SDK1: variants seen among roughly 807,000 people sequenced by gnomAD.
SDK1 encodes the protein protein sidekick-1.
Under a neutral mutation model 245.5 loss-of-function variants are expected in SDK1, and 157 were observed. That is an observed-to-expected ratio of 0.64 (90% CI 0.56 to 0.73). The LOEUF (loss-of-function observed/expected upper bound fraction) is 0.73, where lower values mean the gene tolerates loss of function less well. Among genes scored for constraint, SDK1 ranks in the 30% least tolerant of loss-of-function variants. The pLI, the probability that SDK1 is intolerant of heterozygous loss-of-function variation, is 0.00. For missense variants in SDK1, 3,583 were observed against 3,002.3 expected (o/e 1.19, Z -4.52); for synonymous variants, 1,647 against 1,278.5 (o/e 1.29, Z -6.15).
At chr7:3,540,329 C>T (rs1321745639) in intron 1 of SDK1, among the ~76,000 whole-genome samples, 1 of 152,204 alleles carries the variant, frequency 6.6e-6, no homozygotes, top group Non-Finnish European at 1.5e-5. Flanking sequence ...ATCGCTTGAA[C>T]CTGGGAGGCA....
intron 13 of SDK1, among the ~76,000 whole-genome samples, chr7:3,978,729 C>G (rs937281125): frequency 6.6e-6 from 1 of 152,060 alleles, no homozygotes; most frequent in Non-Finnish European, 1.5e-5. Flanking sequence ...GTGTTTCCAT[C>G]ATTTACTCAG....
rs746640788 is a variant in SDK1 at position 3,342,740 on chromosome 7, A to G, written c.298+40856A>G. ...CTCCATGAAAGAGCATATTAAGAGG[A>G]TGGAAAGACAAGGTACATACTAGTA... is the stretch of plus-strand genomic sequence containing the variant. On this transcript the variant is annotated intron_variant, in intron 1 of 44. Transcript: ENST00000404826. Among the ~76,000 whole-genome samples the G allele has an allele frequency of 6.1e-4, 93 of 152,352 alleles. 1 individual carries two copies. The highest frequency in any genetic ancestry group is 2.2e-3 in the African/African-American group (92 of 41,572).
chr7:3,399,059 C>G (rs1056136568), intron 1 of SDK1, among the ~76,000 whole-genome samples: 63 of 152,178 alleles, frequency 4.1e-4, no homozygotes, highest in African/African-American at 1.3e-3. Context: ...TTCAGTTATT[C>G]TTTCTCTCTT....
intron 5 of SDK1, among the ~76,000 whole-genome samples, chr7:3,877,938 C>T (rs1392300196): frequency 1.3e-5 from 2 of 152,238 alleles, no homozygotes; most frequent in Non-Finnish European, 2.9e-5. Context: ...AATACATACA[C>T]AGCTGTTTCC....
intron 1 of SDK1, among the ~76,000 whole-genome samples, chr7:3,422,303 T>A (rs959105359): frequency 9.2e-5 from 14 of 152,014 alleles, no homozygotes; most frequent in African/African-American, 1.2e-4. Flanking sequence ...AAAAAAAAAA[T>A]TTAGAAAATA....
At chr7:3,763,739 A>G (rs1365665607) in intron 4 of SDK1, among the ~76,000 whole-genome samples, 2 of 152,218 alleles carry the variant, frequency 1.3e-5, no homozygotes, top group African/African-American at 4.8e-5. Flanking sequence ...GAATGCAAAT[A>G]TTTTATATCT....
intron 22 of SDK1, among the ~76,000 whole-genome samples, chr7:4,101,129 A>G (rs1782509049): frequency 6.6e-6 from 1 of 151,732 alleles, no homozygotes. Flanking sequence ...TGTTTGTTTT[A>G]AGGTAGCAAG....
At chr7:4,117,016 C>G (rs1158177219) in intron 25 of SDK1, among the ~76,000 whole-genome samples, 1 of 152,228 alleles carries the variant, frequency 6.6e-6, no homozygotes, top group African/African-American at 2.4e-5. Flanking sequence ...TCTCTGTTAT[C>G]TTCACTGTCT....
intron 5 of SDK1, among the ~76,000 whole-genome samples, chr7:3,829,366 A>C (rs1205626183): frequency 6.6e-6 from 1 of 152,170 alleles, no homozygotes; most frequent in East Asian, 1.9e-4. Context: ...AGAGAGGAGA[A>C]GGCCCTAACA....
At chr7:3,616,295 A>G (rs1562604810) in intron 1 of SDK1, among the ~76,000 whole-genome samples, 1 of 152,190 alleles carries the variant, frequency 6.6e-6, no homozygotes, top group Admixed American at 6.5e-5. Flanking sequence ...ATACTCGGAC[A>G]CTTGAATGTG....
chr7:4,247,267 G>T (rs1267455212), intron 44 of SDK1, among the ~76,000 whole-genome samples: 1 of 152,202 alleles, frequency 6.6e-6, no homozygotes, highest in African/African-American at 2.4e-5. Context: ...CCGGCGGGAA[G>T]GGCCAGCAGG....
At chr7:3,975,392 G>A (rs992903985) in intron 13 of SDK1, among the ~76,000 whole-genome samples, 12 of 152,098 alleles carry the variant, frequency 7.9e-5, no homozygotes, top group South Asian at 4.1e-4. Flanking sequence ...TGGGCCTTTC[G>A]ACAAAGGCAA....
chr7:4,075,461 T>G (rs981150704), intron 20 of SDK1, among the ~76,000 whole-genome samples: 2 of 152,216 alleles, frequency 1.3e-5, no homozygotes, highest in Admixed American at 6.5e-5. Context: ...GTCCTAGCGC[T>G]TCTATATCCC....
intron 4 of SDK1, among the ~76,000 whole-genome samples, chr7:3,813,145 T>C (rs1583440649): frequency 6.6e-6 from 1 of 151,378 alleles, no homozygotes; most frequent in South Asian, 2.1e-4. Flanking sequence ...AGTTTTAGGG[T>C]ACATGTGCAC....
chr7:3,843,888 T>C (rs1340012162), intron 5 of SDK1, among the ~76,000 whole-genome samples: 1 of 152,158 alleles, frequency 6.6e-6, no homozygotes, highest in East Asian at 1.9e-4. Flanking sequence ...TATATGAAGG[T>C]TTATGGTAAT....
chr7:3,385,584 A>T (rs1396767548), intron 1 of SDK1, among the ~76,000 whole-genome samples: 2 of 152,120 alleles, frequency 1.3e-5, no homozygotes, highest in East Asian at 3.9e-4. Flanking sequence ...AATCTTCTTT[A>T]AAACAAGGTG....
At chr7:3,314,905 T>A (rs976225391) in intron 1 of SDK1, among the ~76,000 whole-genome samples, 3 of 152,118 alleles carry the variant, frequency 2.0e-5, no homozygotes, top group African/African-American at 7.2e-5. Context: ...AACTTTTTTT[T>A]TTTTAAAACT....
At chr7:3,993,440 C>T (rs1784490173) in intron 14 of SDK1, among the ~76,000 whole-genome samples, 1 of 152,062 alleles carries the variant, frequency 6.6e-6, no homozygotes, top group South Asian at 2.1e-4. Flanking sequence ...ATTCAGAATC[C>T]TTCATTCTAC....
intron 1 of SDK1, among the ~76,000 whole-genome samples, chr7:3,474,335 C>G (rs1781282499): frequency 6.6e-6 from 1 of 151,590 alleles, no homozygotes; most frequent in Non-Finnish European, 1.5e-5. Flanking sequence ...ACCTCGTTGT[C>G]CGCCTGCCTC....
Sources: gnomAD v4.1 joint callset for allele counts (sites outside exome capture counted in the v4.1 genomes callset) on GRCh38, gnomAD v4.1.1 for gene constraint, MANE v1.5 for transcripts, NCBI Gene and HGNC (gene_info 2026-07-23, HGNC 2026-07-21) for gene names.